ATP8A2: variants seen among roughly 807,000 people sequenced by gnomAD.
ATP8A2 encodes phospholipid-transporting ATPase IB.
In ATP8A2, 100 loss-of-function variants were observed where a neutral mutation model predicts 165.6. The observed-to-expected ratio is 0.60, with a 90% confidence interval of 0.51 to 0.71. The LOEUF (loss-of-function observed/expected upper bound fraction) is 0.71, where lower values mean the gene tolerates loss of function less well. ATP8A2 is among the 30% of genes least tolerant of loss of function. The probability of loss-of-function intolerance (pLI) is 0.00; values close to 1 mark genes in which losing one functional copy is unlikely to be tolerated. For missense variants in ATP8A2, 1,227 were observed against 1,479.5 expected, an observed-to-expected ratio of 0.83 and a Z score of 2.80; for synonymous variants, 543 against 548.8, an observed-to-expected ratio of 0.99 and a Z score of 0.15.
chr13:25,641,914 T>A (rs1215242779), intron 24 of ATP8A2, among the ~76,000 whole-genome samples: 1 of 151,836 alleles, frequency 6.6e-6, no homozygotes, highest in Non-Finnish European at 1.5e-5. Context: ...TATCGACCAA[T>A]GGAACAGAAC....
At chr13:25,807,210 T>A (rs1167677409) in intron 27 of ATP8A2, among the ~76,000 whole-genome samples, 1 of 152,152 alleles carries the variant, frequency 6.6e-6, no homozygotes, top group Non-Finnish European at 1.5e-5. Flanking sequence ...ATTTATCTGT[T>A]TTTTCTTTTG....
At chr13:25,563,090 A>T (rs548959910) in intron 15 of ATP8A2, among the ~76,000 whole-genome samples, 1 of 152,116 alleles carries the variant, frequency 6.6e-6, no homozygotes, top group Non-Finnish European at 1.5e-5. Flanking sequence ...GTCTTCTTTC[A>T]TTGTCTTTGT....
chr13:25,951,021 C>T lies in ATP8A2; in HGVS notation c.3184-10554C>T, dbSNP rs150184113. On this transcript the variant is annotated intron_variant, in intron 33 of 36. Coordinates refer to ENST00000381655, the MANE Select transcript of ATP8A2 (RefSeq NM_016529.6). ...CTGAGGATGTGGAGCAACCGGAATG[C>T]GCCTGCACTTGCTTTATTCAGACAG... Among the ~76,000 whole-genome samples the T allele has an allele frequency of 4.4e-3, 676 of 152,290 alleles. 4 individuals carry two copies. Among genetic ancestry groups the T allele is most frequent in the Admixed American group, 0.01 (159 of 15,308 alleles).
At chr13:25,635,550 G>C (rs1308989135) in intron 24 of ATP8A2, among the ~76,000 whole-genome samples, 1 of 152,158 alleles carries the variant, frequency 6.6e-6, no homozygotes, top group Non-Finnish European at 1.5e-5. Flanking sequence ...TTTATTGCAG[G>C]ATTTTCCAAA....
intron 1 of ATP8A2, among the ~76,000 whole-genome samples, chr13:25,373,822 G>A (rs977606600): frequency 2.0e-5 from 3 of 152,154 alleles, no homozygotes; most frequent in Non-Finnish European, 4.4e-5. Flanking sequence ...CTGGGGCTCC[G>A]GGGAGTGTGC....
intron 33 of ATP8A2, among the ~76,000 whole-genome samples, chr13:25,919,238 A>G (rs1434429925): frequency 6.6e-6 from 1 of 152,220 alleles, no homozygotes; most frequent in African/African-American, 2.4e-5. Context: ...GAGGGAAGAC[A>G]ACATCAGTTC....
intron 11 of ATP8A2, 45 bp from the exon 12 acceptor site, chr13:25,553,748 C>T (rs774332970): frequency 3.2e-6 from 5 of 1,582,304 alleles, no homozygotes; most frequent in African/African-American, 1.4e-5. Context: ...AGCCAATAGA[C>T]TTTGGTTGTG....
intron 33 of ATP8A2, among the ~76,000 whole-genome samples, chr13:25,947,460 T>C (rs1487384476): frequency 2.0e-5 from 3 of 152,278 alleles, no homozygotes; most frequent in African/African-American, 7.2e-5. Context: ...GAGAAGTCTT[T>C]ACCGTCATCA....
chr13:25,858,221 G>A (rs536257816), intron 30 of ATP8A2, among the ~76,000 whole-genome samples: 104 of 152,284 alleles, frequency 6.8e-4, no homozygotes, highest in African/African-American at 2.4e-3. Flanking sequence ...CTACAATTTT[G>A]AGTAACTATT....
At chr13:25,875,452 T>C (rs1952797918) in intron 33 of ATP8A2, among the ~76,000 whole-genome samples, 1 of 151,816 alleles carries the variant, frequency 6.6e-6, no homozygotes, top group Non-Finnish European at 1.5e-5. Context: ...GGTGGGTCTG[T>C]AGTTGGCTCT....
At chr13:25,858,745 T>G (rs1284562236) in intron 30 of ATP8A2, among the ~76,000 whole-genome samples, 2 of 152,130 alleles carry the variant, frequency 1.3e-5, no homozygotes, top group African/African-American at 4.8e-5. Flanking sequence ...CTACCCAGCC[T>G]GCGGGCCACA....
At chr13:25,810,490 C>T (rs1172660129) in intron 27 of ATP8A2, among the ~76,000 whole-genome samples, 2 of 149,856 alleles carry the variant, frequency 1.3e-5, no homozygotes, top group African/African-American at 4.9e-5. Context: ...ATTTAAACAT[C>T]TTGAGGGCAG....
chr13:25,973,865 A>C (rs1001478452), intron 35 of ATP8A2, among the ~76,000 whole-genome samples: 1 of 152,202 alleles, frequency 6.6e-6, no homozygotes, highest in Non-Finnish European at 1.5e-5. Flanking sequence ...TTGGCAGTGC[A>C]CATGTGGTGC....
intron 13 of ATP8A2, among the ~76,000 whole-genome samples, chr13:25,557,909 T>A (rs1014339046): frequency 6.8e-5 from 10 of 147,710 alleles, no homozygotes; most frequent in South Asian, 6.4e-4. Flanking sequence ...CATTAAAAAT[T>A]TTTTTTTTTT....
chr13:25,526,793 T>C (rs761253245), intron 2 of ATP8A2, among the ~76,000 whole-genome samples: 2 of 152,230 alleles, frequency 1.3e-5, no homozygotes, highest in Admixed American at 6.5e-5. Flanking sequence ...TGTCTCTGGC[T>C]GTCCCCAGGG....
At chr13:25,556,578 G>C (rs921387607) in intron 13 of ATP8A2, among the ~76,000 whole-genome samples, 3 of 152,132 alleles carry the variant, frequency 2.0e-5, no homozygotes, top group African/African-American at 7.2e-5. Context: ...TGTTTACTCT[G>C]TTGGTAGTTT....
intron 1 of ATP8A2, among the ~76,000 whole-genome samples, chr13:25,378,320 C>T (rs1163939161): frequency 1.3e-5 from 2 of 150,206 alleles, no homozygotes; most frequent in Non-Finnish European, 2.9e-5. Context: ...TGATCTAATC[C>T]TCATTAACTC....
intron 1 of ATP8A2, among the ~76,000 whole-genome samples, chr13:25,445,669 G>C (rs954277274): frequency 1.1e-4 from 16 of 152,162 alleles, no homozygotes; most frequent in African/African-American, 3.6e-4. Context: ...TTTTACAGAG[G>C]AGGACTCATT....
intron 25 of ATP8A2, among the ~76,000 whole-genome samples, chr13:25,764,555 G>T (rs920110722): frequency 6.6e-6 from 1 of 152,186 alleles, no homozygotes; most frequent in East Asian, 1.9e-4. Flanking sequence ...AGCGGCAGCA[G>T]CCGGGAGCTT....
Sources: gnomAD v4.1 joint callset for allele counts (sites outside exome capture counted in the v4.1 genomes callset) on GRCh38, gnomAD v4.1.1 for gene constraint, MANE v1.5 for transcripts, NCBI Gene and HGNC (gene_info 2026-07-23, HGNC 2026-07-21) for gene names.